KPNA7: variants seen among roughly 807,000 people sequenced by gnomAD.
The protein encoded by KPNA7 is karyopherin subunit alpha 7.
Under a neutral mutation model 53.7 loss-of-function variants are expected in KPNA7, and 54 were observed. The observed-to-expected ratio is 1.01, with a 90% CI of 0.81 to 1.26. The LOEUF is 1.26. Among genes scored for constraint, KPNA7 ranks in the 50% most tolerant of loss-of-function variants. The pLI is 0.00. For missense variants in KPNA7, 640 were observed against 644.5 expected, an observed-to-expected ratio of 0.99 and a Z score of 0.07; for synonymous variants, 276 against 259.3, an observed-to-expected ratio of 1.06 and a Z score of -0.62.
At chr7:99,201,446 A>C (rs73403105) in intron 3 of KPNA7, among the ~76,000 whole-genome samples, 5,324 of 151,988 alleles carry the variant, frequency 0.035, 306 homozygotes, top group African/African-American at 0.12. Context: ...GACAGATCAC[A>C]AGGTCAGGAG....
intron 2 of KPNA7, 110 bp from the exon 3 acceptor site, chr7:99,203,350 C>A: frequency 8.7e-7 from 1 of 1,150,660 alleles, no homozygotes; most frequent in South Asian, 1.5e-5. Context: ...ATACAATAGG[C>A]TGGAAAAGTT....
At chr7:99,157,593 C>A in the KPNA7 span, among the ~76,000 whole-genome samples, 3 of 152,154 alleles carry the variant, frequency 2.0e-5, no homozygotes, top group Admixed American at 6.6e-5. Flanking sequence ...TAGATTTCTT[C>A]TATACATCTG....
At chr7:99,161,846 A>T in the KPNA7 span, among the ~76,000 whole-genome samples, 1 of 152,116 alleles carries the variant, frequency 6.6e-6, no homozygotes. Flanking sequence ...AAATTACATG[A>T]CATGTCCAGG....
At position 99,192,998 on chromosome 7, in the gene KPNA7, GAGAA is replaced by G. The variant is rs200266399; in HGVS notation, c.636+17_636+20del. On this transcript the variant is annotated intron_variant, in intron 6 of 10. Transcript: ENST00000327442. ...AAATTTTAATTTAAAAAAAAAAAAA[GAGAA>G]AGAAAAAGACACTTACCGGCAGGGT... 18,267 of 1,409,304 alleles carry G rather than the reference GAGAA, an allele frequency of 0.013. 126 individuals are homozygous for G. The highest frequency in any genetic ancestry group is 0.028 in the Middle Eastern group (151 of 5,472). 87.3% of individuals were successfully genotyped at this position (1,409,304 alleles called of 1,614,324 possible).
At chr7:99,190,724 C>T (rs985306868) in intron 6 of KPNA7, among the ~76,000 whole-genome samples, 15 of 151,112 alleles carry the variant, frequency 9.9e-5, no homozygotes, top group Non-Finnish European at 2.2e-4. Context: ...GGTGCAATCA[C>T]AGCTCACTGC....
chr7:99,155,265 T>C, the KPNA7 span, among the ~76,000 whole-genome samples: 2 of 152,186 alleles, frequency 1.3e-5, no homozygotes, highest in Non-Finnish European at 1.5e-5. Flanking sequence ...ATCCCCTCCA[T>C]GTTAGACAAA....
chr7:99,182,300 C>A (rs964400874), intron 8 of KPNA7, among the ~76,000 whole-genome samples: 2 of 152,080 alleles, frequency 1.3e-5, no homozygotes, highest in Middle Eastern at 3.2e-3. Context: ...CAGGTTCAAG[C>A]GATTCTCCTG....
chr7:99,191,025 T>C (rs1789922040), intron 6 of KPNA7, among the ~76,000 whole-genome samples: 1 of 152,100 alleles, frequency 6.6e-6, no homozygotes, highest in Non-Finnish European at 1.5e-5. Flanking sequence ...ACTTTTCCCC[T>C]TTCTCTAGGA....
At chr7:99,184,778 CT>C (rs1275123882) in intron 8 of KPNA7, 150 bp downstream of exon 8, 20 of 692,750 alleles carry the variant, frequency 2.9e-5, no homozygotes, top group Admixed American at 1.1e-4. Context: ...CGCCCCCTTC[CT>C]TTTTTTCAGG....
chr7:99,182,617 G>A (rs746489938), intron 8 of KPNA7, among the ~76,000 whole-genome samples: 2 of 152,062 alleles, frequency 1.3e-5, no homozygotes, highest in Non-Finnish European at 2.9e-5. Flanking sequence ...TTATAGGCAT[G>A]AACCCCCTGC....
At chr7:99,185,951 C>A (rs1324584602) in intron 7 of KPNA7, among the ~76,000 whole-genome samples, 1 of 152,086 alleles carries the variant, frequency 6.6e-6, no homozygotes, top group African/African-American at 2.4e-5. Flanking sequence ...CACCACCATG[C>A]CTGGCTAATT....
At chr7:99,164,389 C>CA in the KPNA7 span, among the ~76,000 whole-genome samples, 1 of 151,292 alleles carries the variant, frequency 6.6e-6, no homozygotes, top group Non-Finnish European at 1.5e-5. Context: ...ATGGCAAGGA[C>CA]AAAAAACCAA....
At chr7:99,202,062 C>G (rs774369719) in intron 3 of KPNA7, among the ~76,000 whole-genome samples, 1 of 152,002 alleles carries the variant, frequency 6.6e-6, no homozygotes, top group South Asian at 2.1e-4. Flanking sequence ...AGGGACTGCT[C>G]CAAACAAATG....
At chr7:99,190,895 AC>A (rs1350670661) in intron 6 of KPNA7, among the ~76,000 whole-genome samples, 1 of 152,024 alleles carries the variant, frequency 6.6e-6, no homozygotes, top group Non-Finnish European at 1.5e-5. Flanking sequence ...TGGCTGGGTG[AC>A]ATATACACAT....
intron 3 of KPNA7, among the ~76,000 whole-genome samples, chr7:99,199,384 G>A (rs1308301167): frequency 6.6e-6 from 1 of 152,134 alleles, no homozygotes; most frequent in African/African-American, 2.4e-5. Context: ...TTTGTTTGAT[G>A]ACAAAGATAA....
At chr7:99,194,987 G>C in intron 5 of KPNA7, 83 bp downstream of exon 5, 1 of 1,428,968 alleles carries the variant, frequency 7.0e-7, no homozygotes, top group East Asian at 2.5e-5. Flanking sequence ...GGGACATCGA[G>C]TATACCCCAC....
chr7:99,148,884 G>A, the KPNA7 span, among the ~76,000 whole-genome samples: 1 of 137,890 alleles, frequency 7.3e-6, no homozygotes, highest in African/African-American at 2.6e-5. Context: ...ACCGCACTCA[G>A]CCCAAGAACC....
chr7:99,187,796 TTTTAAAAAAAAAAAAAAAAA>T (rs1262907583), intron 7 of KPNA7, among the ~76,000 whole-genome samples: 5 of 30,738 alleles, frequency 1.6e-4, no homozygotes, highest in African/African-American at 4.1e-4. Context: ...CGGCCTTTTT[TTTTAAAAAAAAAAAAAAAAA>T]AAAAAAAAAA....
chr7:99,180,617 ATCTCTCTCTCCCCG>A (rs71108421), intron 9 of KPNA7, among the ~76,000 whole-genome samples: 39,804 of 120,696 alleles, frequency 0.33, 8,148 homozygotes, highest in South Asian at 0.5. Flanking sequence ...CTCTCTCCCC[ATCTCTCTCTCCCCG>A]TCTCTCTCTC....
Sources: gnomAD v4.1 joint callset for allele counts (sites outside exome capture counted in the v4.1 genomes callset) on GRCh38, gnomAD v4.1.1 for gene constraint, MANE v1.5 for transcripts, NCBI Gene and HGNC (gene_info 2026-07-23, HGNC 2026-07-21) for gene names.